Variants in C1orf105 observed in about 807,000 individuals in gnomAD.
C1orf105 encodes the protein uncharacterized protein C1orf105.
A neutral mutation model predicts 20.8 loss-of-function variants in C1orf105; 17 were observed. That is an observed-to-expected ratio of 0.82 (90% confidence interval 0.56 to 1.23). The LOEUF is 1.23. Ranked by LOEUF, C1orf105 falls within the 50% of genes most tolerant of loss-of-function variation. The probability of loss-of-function intolerance (pLI) is 0.00; values close to 1 mark genes in which losing one functional copy is unlikely to be tolerated. For synonymous variants in C1orf105, 72 were observed against 72.1 expected, an observed-to-expected ratio of 1.00 and a Z score of 0.01; for missense variants, 219 against 213.5, an observed-to-expected ratio of 1.03 and a Z score of -0.16.
chr1:172,455,706 G>A (rs780030539), intron 3 of C1orf105, among the ~76,000 whole-genome samples: 13 of 152,128 alleles, frequency 8.5e-5, no homozygotes, highest in Admixed American at 5.2e-4. Context: ...GAGCAGACAC[G>A]GTGCCCCTCC....
intron 1 of C1orf105, chr1:172,444,252 A>C (rs140747421): frequency 1.0e-6 from 1 of 985,294 alleles, no homozygotes; most frequent in East Asian, 1.1e-4. Context: ...GCAATCCCCT[A>C]TTGAAAGATG....
At chr1:172,457,133 G>C (rs1460063976) in intron 4 of C1orf105, among the ~76,000 whole-genome samples, 1 of 152,196 alleles carries the variant, frequency 6.6e-6, no homozygotes, top group Non-Finnish European at 1.5e-5. Context: ...ATTCAGGAAG[G>C]ATGCTAGACT....
At chr1:172,427,791 A>C (rs1443438520) in intron 1 of C1orf105, among the ~76,000 whole-genome samples, 1 of 152,130 alleles carries the variant, frequency 6.6e-6, no homozygotes, top group Non-Finnish European at 1.5e-5. Context: ...TCAACATTTT[A>C]CTTTGGAGTT....
intron 1 of C1orf105, among the ~76,000 whole-genome samples, chr1:172,429,271 T>G (rs901004784): frequency 3.3e-5 from 5 of 151,036 alleles, no homozygotes; most frequent in Admixed American, 6.6e-5. Flanking sequence ...CACACACACA[T>G]ACACACACAA....
At chr1:172,421,032 C>A in intron 1 of C1orf105, 126 bp downstream of exon 1, 1 of 844,504 alleles carries the variant, frequency 1.2e-6, no homozygotes, top group Non-Finnish European at 1.8e-6. Context: ...AAGTTGAAAG[C>A]CAAAAGAAGG....
chr1:172,453,193 G>C, intron 3 of C1orf105: 1 of 1,550,948 alleles, frequency 6.4e-7, no homozygotes, highest in Non-Finnish European at 8.7e-7. Context: ...GTCTGAGGTA[G>C]AGTACAGCAC....
chr1:172,466,522 C>T (rs1421434926), intron 6 of C1orf105, among the ~76,000 whole-genome samples: 1 of 151,808 alleles, frequency 6.6e-6, no homozygotes, highest in African/African-American at 2.4e-5. Context: ...TTCTGCGTTT[C>T]CTTTGGACCT....
chr1:172,448,573 T>A, intron 3 of C1orf105, 42 bp downstream of exon 3: 2 of 1,076,354 alleles, frequency 1.9e-6, no homozygotes, highest in Non-Finnish European at 2.9e-6. Flanking sequence ...ACAGCAGTTC[T>A]AGAATGACAT....
intron 1 of C1orf105, among the ~76,000 whole-genome samples, chr1:172,435,330 G>A (rs1020573479): frequency 4.6e-5 from 7 of 152,212 alleles, no homozygotes; most frequent in Non-Finnish European, 8.8e-5. Flanking sequence ...GATGAATGTC[G>A]ATGCAAAAAT....
At chr1:172,444,122 C>A in intron 1 of C1orf105, 1 of 991,334 alleles carries the variant, frequency 1.0e-6, no homozygotes, top group Non-Finnish European at 1.2e-6. Flanking sequence ...CACCCTTCCC[C>A]GGCTGGAACC....
chr1:172,447,382 C>T (rs536576335), intron 2 of C1orf105, among the ~76,000 whole-genome samples: 2 of 152,344 alleles, frequency 1.3e-5, no homozygotes, highest in South Asian at 4.1e-4. Flanking sequence ...TTCAAGGACT[C>T]TCTCAGGTAG....
intron 2 of C1orf105, among the ~76,000 whole-genome samples, chr1:172,445,619 T>G (rs1447347370): frequency 6.6e-6 from 1 of 152,208 alleles, no homozygotes; most frequent in African/African-American, 2.4e-5. Flanking sequence ...AACTACTATA[T>G]GACACATAAA....
At chr1:172,442,609 G>C (rs1647448321) in intron 1 of C1orf105, 1 of 1,612,384 alleles carries the variant, frequency 6.2e-7, no homozygotes, top group Non-Finnish European at 8.5e-7. Flanking sequence ...GTTAGTCACA[G>C]GTTGAGCATA....
chr1:172,437,905 G>A (rs1284606693), intron 1 of C1orf105, among the ~76,000 whole-genome samples: 2 of 152,082 alleles, frequency 1.3e-5, no homozygotes, highest in African/African-American at 2.4e-5. Flanking sequence ...TCAATGTCTG[G>A]CTTCAAAGGA....
intron 1 of C1orf105, chr1:172,428,700 C>T: frequency 1.6e-6 from 1 of 612,666 alleles, no homozygotes; most frequent in African/African-American, 1.9e-5. Context: ...TTTTCCATAG[C>T]ACTTACTACC....
At chr1:172,446,629 G>A (rs961058948) in intron 2 of C1orf105, among the ~76,000 whole-genome samples, 6 of 152,330 alleles carry the variant, frequency 3.9e-5, no homozygotes, top group Non-Finnish European at 7.3e-5. Context: ...CCCCAGCAGC[G>A]AAGAGCAAAG....
intron 4 of C1orf105, among the ~76,000 whole-genome samples, chr1:172,457,468 T>C (rs558049182): frequency 6.6e-6 from 1 of 152,180 alleles, no homozygotes; most frequent in African/African-American, 2.4e-5. Flanking sequence ...TTTTGTGAAA[T>C]TTTTATGTGG....
intron 1 of C1orf105, 102 bp from the exon 2 acceptor site, chr1:172,444,971 A>G (rs982697448): frequency 1.2e-6 from 1 of 818,806 alleles, no homozygotes; most frequent in Non-Finnish European, 1.9e-6. Flanking sequence ...ATGGTTTGTA[A>G]AGTGTTCACT....
chr1:172,454,447 C>G (rs1056912996), intron 3 of C1orf105, among the ~76,000 whole-genome samples: 1 of 151,894 alleles, frequency 6.6e-6, no homozygotes, highest in African/African-American at 2.4e-5. Context: ...ATATCACCCC[C>G]AGGGGTATCA....
Sources: allele counts gnomAD v4.1 joint callset (sites outside exome capture counted in the v4.1 genomes callset), GRCh38; gene constraint gnomAD v4.1.1; transcripts MANE v1.5; gene names NCBI Gene and HGNC (gene_info 2026-07-23, HGNC 2026-07-21).